LRRC8D: variants seen among roughly 807,000 people sequenced by gnomAD.
LRRC8D encodes the protein leucine rich repeat containing 8 VRAC subunit D, also known as volume-regulated anion channel subunit LRRC8D.
Under a neutral mutation model 55.8 loss-of-function variants are expected in LRRC8D, and 20 were observed. The observed-to-expected ratio is 0.36, with a 90% CI of 0.25 to 0.52. The LOEUF (loss-of-function observed/expected upper bound fraction) is 0.52. LRRC8D is among the 20% of genes least tolerant of loss of function. The pLI, the probability that LRRC8D is intolerant of heterozygous loss-of-function variation, is 0.93. For synonymous variants in LRRC8D, 352 were observed against 377.0 expected (o/e 0.93, Z 0.77); for missense variants, 651 against 1,030.8 (o/e 0.63, Z 5.05).
At chr1:89,867,294 G>A (rs1661875925) in intron 2 of LRRC8D, among the ~76,000 whole-genome samples, 1 of 152,016 alleles carries the variant, frequency 6.6e-6, no homozygotes, top group Non-Finnish European at 1.5e-5. Context: ...CTTTTTGACT[G>A]GCTTCTCTCA....
intron 2 of LRRC8D, among the ~76,000 whole-genome samples, chr1:89,850,984 G>T (rs142388024): frequency 6.6e-6 from 1 of 151,436 alleles, no homozygotes; most frequent in Admixed American, 6.6e-5. Flanking sequence ...GAAATGTGTC[G>T]ACCTATCTAG....
chr1:89,862,071 T>C (rs1661732295), intron 2 of LRRC8D, among the ~76,000 whole-genome samples: 1 of 152,230 alleles, frequency 6.6e-6, no homozygotes, highest in South Asian at 2.1e-4. Context: ...TAGAATCTCA[T>C]TCGTACACAC....
At chr1:89,876,852 G>T (rs1357088462) in intron 2 of LRRC8D, among the ~76,000 whole-genome samples, 6 of 152,194 alleles carry the variant, frequency 3.9e-5, no homozygotes, top group African/African-American at 1.4e-4. Flanking sequence ...TTGTTGGATA[G>T]CTTACCAAAT....
intron 2 of LRRC8D, among the ~76,000 whole-genome samples, chr1:89,847,038 C>T (rs1478916510): frequency 6.6e-6 from 1 of 152,132 alleles, no homozygotes; most frequent in Non-Finnish European, 1.5e-5. Flanking sequence ...GCTCACATTA[C>T]AGAACAACGT....
intron 2 of LRRC8D, among the ~76,000 whole-genome samples, chr1:89,856,041 C>G (rs368383447): frequency 1.3e-5 from 2 of 151,778 alleles, no homozygotes; most frequent in African/African-American, 4.8e-5. Context: ...TTGAAATTGT[C>G]TTAGCCTAAT....
chr1:89,828,702 T>C (rs529013554), intron 1 of LRRC8D, among the ~76,000 whole-genome samples: 4 of 152,326 alleles, frequency 2.6e-5, no homozygotes, highest in African/African-American at 4.8e-5. Flanking sequence ...CACCTCCTTT[T>C]GGGGAACGCT....
intron 1 of LRRC8D, among the ~76,000 whole-genome samples, chr1:89,826,239 C>T (rs1447442731): frequency 1.5e-5 from 2 of 136,150 alleles, no homozygotes; most frequent in African/African-American, 5.5e-5. Context: ...AAGGGATCAA[C>T]CCTTAAATTT....
intron 1 of LRRC8D, among the ~76,000 whole-genome samples, chr1:89,831,361 C>T (rs1192232666): frequency 1.3e-5 from 2 of 152,104 alleles, no homozygotes; most frequent in Non-Finnish European, 2.9e-5. Flanking sequence ...TGGTGTATTA[C>T]ATCTGGAGTG....
At chr1:89,865,330 T>TTATA (rs34852331) in intron 2 of LRRC8D, among the ~76,000 whole-genome samples, 1,909 of 139,226 alleles carry the variant, frequency 0.014, 17 homozygotes, top group Middle Eastern at 0.045. Flanking sequence ...AAACATGAAA[T>TTATA]TATATATATA....
intron 2 of LRRC8D, among the ~76,000 whole-genome samples, chr1:89,896,026 T>C (rs1354724032): frequency 6.6e-6 from 1 of 152,268 alleles, no homozygotes; most frequent in African/African-American, 2.4e-5. Context: ...CTTAATATAA[T>C]GTAATGTCCA....
At chr1:89,880,196 C>T (rs553688071) in intron 2 of LRRC8D, among the ~76,000 whole-genome samples, 25 of 149,806 alleles carry the variant, frequency 1.7e-4, no homozygotes, top group African/African-American at 5.7e-4. Context: ...TGAGTAGTCT[C>T]GTGTAGCTGA....
chr1:89,905,773 A>C (rs762272989), intron 2 of LRRC8D, among the ~76,000 whole-genome samples: 4 of 152,198 alleles, frequency 2.6e-5, no homozygotes, highest in Non-Finnish European at 5.9e-5. Flanking sequence ...GGAGTCCAGA[A>C]TTCGTGACCT....
At position 89,935,489 on chromosome 1, in the gene LRRC8D, G is replaced by A; in HGVS notation, c.2421G>A (p.Gly807=). Residue 807 remains glycine, a synonymous_variant, in exon 3 of 3, where the codon GGG becomes GGA. Coordinates refer to ENST00000337338, the MANE Select transcript of LRRC8D (RefSeq NM_001134479.2). ...LSQLTQLELK[G]NCLDRLPAQL... is the part of the protein sequence containing the mutation. ...AGCTCACTCAGCTGGAGCTGAAGGGGAACTGCTTGGACCGCCTGCCAGCCC... is the reference window on the plus strand; with the variant it reads ...AGCTCACTCAGCTGGAGCTGAAGGGAAACTGCTTGGACCGCCTGCCAGCCC... 1.2e-6 allele frequency: 2 copies of A among 1,614,252 alleles called. No individual in the cohort carries two copies.
chr1:89,849,490 CTTTT>C (rs34110970), intron 2 of LRRC8D, among the ~76,000 whole-genome samples: 7 of 146,546 alleles, frequency 4.8e-5, no homozygotes, highest in African/African-American at 1.8e-4. Flanking sequence ...TGCATAATGC[CTTTT>C]TTTTTTTTTT....
At chr1:89,854,030 T>C (rs888193118) in intron 2 of LRRC8D, among the ~76,000 whole-genome samples, 2 of 152,246 alleles carry the variant, frequency 1.3e-5, no homozygotes. Flanking sequence ...CCAGAAAAGA[T>C]AGGGGGGCCA....
chr1:89,860,176 C>T (rs948884079), intron 2 of LRRC8D, among the ~76,000 whole-genome samples: 3 of 152,202 alleles, frequency 2.0e-5, no homozygotes, highest in Admixed American at 2.0e-4. Context: ...AATCTCCTAC[C>T]TAAGGCATGC....
At position 89,936,054 on chromosome 1, in the gene LRRC8D, T is replaced by C. The variant is rs1334029659; in HGVS notation, c.*409T>C. 5.7e-6 allele frequency: 1 copy of C among 176,632 alleles called. No individual in the cohort carries two copies. Among genetic ancestry groups the C allele is most frequent in the Non-Finnish European group, 1.3e-5 (1 of 74,236 alleles). The allele number at this position is 176,632 out of a possible 1,614,324, so 10.9% of individuals were successfully genotyped here. Reference sequence around the variant, plus strand: ...CTTTGCTTAATTGGTGCAATATTGCTTTAACTCCGTTCACTAAAGACAAAC... The same window carrying C: ...CTTTGCTTAATTGGTGCAATATTGCCTTAACTCCGTTCACTAAAGACAAAC... On this transcript the variant is annotated 3_prime_UTR_variant, in exon 3 of 3. Coordinates refer to ENST00000337338, the MANE Select transcript of LRRC8D (RefSeq NM_001134479.2).
At chr1:89,867,280 G>C (rs1661875697) in intron 2 of LRRC8D, among the ~76,000 whole-genome samples, 1 of 152,214 alleles carries the variant, frequency 6.6e-6, no homozygotes, top group South Asian at 2.1e-4. Context: ...AAATTATGTA[G>C]TCACTTTTTG....
At chr1:89,821,364 G>T (rs1660625488) in intron 1 of LRRC8D, 73 bp downstream of exon 1, 1 of 152,158 alleles carries the variant, frequency 6.6e-6, no homozygotes, top group Non-Finnish European at 1.5e-5. Context: ...GCCGCGCCGA[G>T]CCGGAGCGCG....
Sources: gnomAD v4.1 joint callset for allele counts (sites outside exome capture counted in the v4.1 genomes callset) on GRCh38, gnomAD v4.1.1 for gene constraint, MANE v1.5 for transcripts, NCBI Gene and HGNC (gene_info 2026-07-23, HGNC 2026-07-21) for gene names.